HIVEP3: variants seen among roughly 807,000 people sequenced by gnomAD.
The protein encoded by HIVEP3 is HIVEP zinc finger 3.
Under a neutral mutation model 152.8 loss-of-function variants are expected in HIVEP3, and 49 were observed. The ratio of observed to expected loss-of-function variants is 0.32; its 90% CI spans 0.26 to 0.41. The LOEUF (loss-of-function observed/expected upper bound fraction) is 0.41. Among genes scored for constraint, HIVEP3 ranks in the 10% least tolerant of loss-of-function variants. HIVEP3 has a pLI of 1.00. For synonymous variants in HIVEP3, 1,269 were observed against 1,289.0 expected (o/e 0.98, Z 0.33); for missense variants, 2,790 against 3,103.3 (o/e 0.90, Z 2.40).
intron 1 of HIVEP3, among the ~76,000 whole-genome samples, chr1:41,819,499 C>A (rs1642523281): frequency 6.6e-6 from 1 of 151,876 alleles, no homozygotes; most frequent in African/African-American, 2.4e-5. Context: ...TCTTCTTTAC[C>A]AATATAAATA....
At chr1:41,930,699 C>T (rs1190841155) in intron 1 of HIVEP3, among the ~76,000 whole-genome samples, 1 of 152,116 alleles carries the variant, frequency 6.6e-6, no homozygotes, top group Non-Finnish European at 1.5e-5. Flanking sequence ...AACTACTTCG[C>T]AAAGTGGTTG....
intron 3 of HIVEP3, among the ~76,000 whole-genome samples, chr1:41,619,741 G>A (rs1300721540): frequency 6.6e-6 from 1 of 152,162 alleles, no homozygotes; most frequent in Non-Finnish European, 1.5e-5. Flanking sequence ...CTGGGAGGCT[G>A]TCCGAATGCT....
At chr1:41,817,319 A>G (rs931198157) in intron 1 of HIVEP3, among the ~76,000 whole-genome samples, 1 of 152,184 alleles carries the variant, frequency 6.6e-6, no homozygotes, top group African/African-American at 2.4e-5. Context: ...TTTGGGGTGG[A>G]GGGAAGTGAT....
chr1:41,527,243 T>TCACA (rs201377725), intron 5 of HIVEP3, among the ~76,000 whole-genome samples: 37 of 28,554 alleles, frequency 1.3e-3, no homozygotes, highest in African/African-American at 6.4e-3. Context: ...CACACTCACC[T>TCACA]CACACACACA....
At chr1:41,889,103 CCAAA>C (rs759125662) in intron 1 of HIVEP3, among the ~76,000 whole-genome samples, 7 of 148,704 alleles carry the variant, frequency 4.7e-5, no homozygotes, top group Non-Finnish European at 8.9e-5. Context: ...ACCTCACACA[CCAAA>C]CACACACAAG....
chr1:41,952,847 T>C (rs1005710587), intron 1 of HIVEP3, among the ~76,000 whole-genome samples: 7 of 152,212 alleles, frequency 4.6e-5, no homozygotes, highest in African/African-American at 1.7e-4. Flanking sequence ...TTTTAAATGA[T>C]GATCATCTTT....
At chr1:41,981,135 C>A (rs1196295582) in intron 1 of HIVEP3, among the ~76,000 whole-genome samples, 2 of 152,162 alleles carry the variant, frequency 1.3e-5, no homozygotes, top group African/African-American at 2.4e-5. Flanking sequence ...AGGAGAGAAG[C>A]AAAGTCCTCC....
chr1:41,661,265 T>C (rs1209270023), intron 2 of HIVEP3, among the ~76,000 whole-genome samples: 1 of 152,226 alleles, frequency 6.6e-6, no homozygotes, highest in Non-Finnish European at 1.5e-5. Flanking sequence ...CAATACATTA[T>C]ATTTTTATAG....
rs192043743 is a variant in HIVEP3 at position 41,807,133 on chromosome 1, G to A, written c.-800-106138C>T. 1.0e-3 allele frequency among the ~76,000 whole-genome samples: 158 copies of A among 152,284 alleles called. 1 individual carries two copies. The highest frequency in any genetic ancestry group is 5.8e-3 in the South Asian group (28 of 4,820). On this transcript the variant is annotated intron_variant, in intron 1 of 8. Transcript: ENST00000372583. ...CAGGTTTCAAAACTAAAAGTAGAGC[G>A]CATTTAGTCTTCTCCTGTGGCTGAG... is the stretch of plus-strand genomic sequence containing the variant.
chr1:41,900,708 C>T (rs1457164283), intron 1 of HIVEP3, among the ~76,000 whole-genome samples: 2 of 151,988 alleles, frequency 1.3e-5, no homozygotes, highest in African/African-American at 2.4e-5. Flanking sequence ...AAGAAAGCAG[C>T]CTTCACACAT....
chr1:41,512,924 C>G lies in HIVEP3; in HGVS notation c.6297G>C (p.Ala2099=), dbSNP rs201279333. ...WALAGPGSPS[A]GEHGPGLGLD... is the part of the protein sequence containing the mutation. ...GCCCCAAGCCTGGGCCATGCTCCCCCGCTGAGGGGCTGCCCGGCCCAGCCA... is the reference window on the plus strand; with the variant it reads ...GCCCCAAGCCTGGGCCATGCTCCCCGGCTGAGGGGCTGCCCGGCCCAGCCA... Residue 2099 remains alanine, a synonymous_variant, in exon 8 of 9, where the codon GCG becomes GCC. Coordinates refer to ENST00000372583, the MANE Select transcript of HIVEP3 (RefSeq NM_024503.5). The G allele has an allele frequency of 4.8e-5, 76 of 1,595,232 alleles. No homozygotes were observed. The highest frequency in any genetic ancestry group is 1.8e-4 in the Admixed American group (10 of 56,870).
rs140951651 is a variant in HIVEP3, at chr1:41,604,177, T to C, written c.-521-18859A>G. ...CCCAGAAATTCCACTCCTAAGACTATATCCTATAGAAATGCCTATGTATGT... is the reference window on the plus strand; with the variant it reads ...CCCAGAAATTCCACTCCTAAGACTACATCCTATAGAAATGCCTATGTATGT... On this transcript the variant is annotated intron_variant, in intron 3 of 8. Coordinates refer to ENST00000372583, the MANE Select transcript of HIVEP3 (RefSeq NM_024503.5). Among the ~76,000 whole-genome samples the C allele has an allele frequency of 2.1e-3, 323 of 152,288 alleles. 1 individual carries two copies. The highest frequency in any genetic ancestry group is 4.8e-3 in the South Asian group (23 of 4,826).
At chr1:41,910,857 G>A (rs921188773) in intron 1 of HIVEP3, among the ~76,000 whole-genome samples, 1 of 151,868 alleles carries the variant, frequency 6.6e-6, no homozygotes, top group African/African-American at 2.4e-5. Context: ...ATCCTAATAA[G>A]GAATATCAAA....
intron 1 of HIVEP3, among the ~76,000 whole-genome samples, chr1:41,800,382 C>T (rs1208489186): frequency 6.6e-6 from 1 of 152,168 alleles, no homozygotes; most frequent in African/African-American, 2.4e-5. Context: ...CCTGCCATGC[C>T]ATGGAGGAGC....
chr1:41,683,714 A>G (rs1370914431), intron 2 of HIVEP3, among the ~76,000 whole-genome samples: 1 of 152,138 alleles, frequency 6.6e-6, no homozygotes, highest in African/African-American at 2.4e-5. Context: ...TTGGACTCTC[A>G]CTAGGGCCCA....
chr1:41,598,256 T>C (rs1644695192), intron 3 of HIVEP3, among the ~76,000 whole-genome samples: 1 of 152,256 alleles, frequency 6.6e-6, no homozygotes, highest in Non-Finnish European at 1.5e-5. Context: ...TGATCTCTTG[T>C]CAGTTTCTGG....
intron 2 of HIVEP3, among the ~76,000 whole-genome samples, chr1:41,670,952 C>A (rs1645866205): frequency 6.6e-6 from 1 of 152,174 alleles, no homozygotes; most frequent in African/African-American, 2.4e-5. Context: ...CCTGCTCAGG[C>A]AGATAATAGG....
intron 1 of HIVEP3, among the ~76,000 whole-genome samples, chr1:41,908,113 G>A (rs1451227737): frequency 1.3e-5 from 2 of 152,072 alleles, no homozygotes; most frequent in East Asian, 1.9e-4. Flanking sequence ...AAAGTGAGTG[G>A]TTCTGGGCAT....
At chr1:41,715,884 G>T (rs759574794) in intron 1 of HIVEP3, among the ~76,000 whole-genome samples, 1 of 152,206 alleles carries the variant, frequency 6.6e-6, no homozygotes, top group Non-Finnish European at 1.5e-5. Context: ...GGCCCAAACC[G>T]AAAGCCACAG....
Sources: gnomAD v4.1 joint callset for allele counts (sites outside exome capture counted in the v4.1 genomes callset) on GRCh38, gnomAD v4.1.1 for gene constraint, MANE v1.5 for transcripts, NCBI Gene and HGNC (gene_info 2026-07-23, HGNC 2026-07-21) for gene names.